Variants in XPO5 observed in about 807,000 individuals in gnomAD.
XPO5 encodes the protein exportin 5.
A neutral mutation model predicts 160.6 loss-of-function variants in XPO5; 46 were observed. The observed-to-expected ratio is 0.29, with a 90% CI of 0.23 to 0.37. The LOEUF (loss-of-function observed/expected upper bound fraction) is 0.37. Among genes scored for constraint, XPO5 ranks in the 10% least tolerant of loss-of-function variants. The probability of loss-of-function intolerance (pLI) is 1.00; values close to 1 mark genes in which losing one functional copy is unlikely to be tolerated. For synonymous variants in XPO5, 537 were observed against 519.3 expected (o/e 1.03, Z -0.46); for missense variants, 1,090 against 1,463.9 (o/e 0.74, Z 4.17).
chr6:43,537,936 C>T (rs1096642), intron 20 of XPO5, among the ~76,000 whole-genome samples: 5 of 150,632 alleles, frequency 3.3e-5, no homozygotes, highest in South Asian at 4.4e-4. Flanking sequence ...GGCGTGGTGG[C>T]GCACACCTGT....
At chr6:43,548,156 C>A in intron 18 of XPO5, 105 bp downstream of exon 18, 1 of 1,093,298 alleles carries the variant, frequency 9.1e-7, no homozygotes, top group South Asian at 1.9e-5. Context: ...TGGATAATGC[C>A]ATCACACTTC....
chr6:43,572,658 T>C (rs1462433510), intron 2 of XPO5, 80 bp from the exon 3 acceptor site: 1 of 1,373,940 alleles, frequency 7.3e-7, no homozygotes, highest in African/African-American at 1.4e-5. Flanking sequence ...GATTTCTACA[T>C]TTGATTACAC....
intron 18 of XPO5, 33 bp from the exon 19 acceptor site, chr6:43,547,740 C>A: frequency 6.3e-7 from 1 of 1,593,242 alleles, no homozygotes; most frequent in South Asian, 1.1e-5. Context: ...CAAGTTACAT[C>A]ATGACTTTAA....
At chr6:43,530,556 T>A (rs183385625) in intron 23 of XPO5, 132 bp downstream of exon 23, 1 of 1,081,306 alleles carries the variant, frequency 9.2e-7, no homozygotes, top group East Asian at 2.7e-5. Context: ...TTTAATGACA[T>A]GATACACTTA....
intron 6 of XPO5, 42 bp from the exon 7 acceptor site, chr6:43,567,396 A>T (rs1412110267): frequency 6.5e-7 from 1 of 1,544,216 alleles, no homozygotes; most frequent in Non-Finnish European, 8.7e-7. Flanking sequence ...AGTCCTCGGT[A>T]ACAGGTAAGG....
intron 20 of XPO5, among the ~76,000 whole-genome samples, chr6:43,537,964 A>G (rs1794444751): frequency 6.7e-6 from 1 of 150,192 alleles, no homozygotes; most frequent in South Asian, 2.2e-4. Context: ...GCTACTCGAG[A>G]GGCTGAGGCA....
Position 43,530,746 on chromosome 6 carries a change from G to A in XPO5, c.2619C>T (p.Leu873=), listed in dbSNP as rs193195408. The change falls in exon 23 of 32, where the codon CTC becomes CTT. Residue 873 remains leucine, a synonymous_variant. Transcript: ENST00000265351. Reference sequence around the variant, plus strand: ...TGTTCAAGTTGACAAAGGCTGAGCTGAGAAGCTGGGTAGCAAGGTCCTCCA... The same window carrying A: ...TGTTCAAGTTGACAAAGGCTGAGCTAAGAAGCTGGGTAGCAAGGTCCTCCA... ...YTVEDLATQL[L]SSAFVNLNNI... is the part of the protein sequence containing the mutation. 4 of 1,613,994 alleles carry A rather than the reference G, an allele frequency of 2.5e-6. No individual in the cohort carries two copies. The East Asian group carries it at 6.7e-5, about 27-fold the overall frequency.
intron 6 of XPO5, among the ~76,000 whole-genome samples, chr6:43,568,359 A>T (rs1246788196): frequency 6.6e-6 from 1 of 152,016 alleles, no homozygotes; most frequent in African/African-American, 2.4e-5. Context: ...GCAGTGGCCC[A>T]CAGTCACTTC....
chr6:43,524,861 G>T lies in XPO5; in HGVS notation c.3282C>A (p.Val1094=). 6.2e-7 allele frequency: 1 copy of T among 1,613,846 alleles called. No homozygotes were observed. Among genetic ancestry groups the T allele is most frequent in the Non-Finnish European group, 8.5e-7 (1 of 1,179,890 alleles). The change falls in exon 30 of 32, where the codon GTC becomes GTA. Residue 1094 remains valine, a synonymous_variant. Transcript: ENST00000265351. ...CCTCGTATATCTGGAAGGCCAGATGGACCAGGGAAGCCATGCACCCGTCGT... is the reference window on the plus strand; with the variant it reads ...CCTCGTATATCTGGAAGGCCAGATGTACCAGGGAAGCCATGCACCCGTCGT... ...GQHDGCMASL[V]HLAFQIYEAL...
chr6:43,567,601 T>C (rs1022724562), intron 6 of XPO5, among the ~76,000 whole-genome samples: 1 of 152,100 alleles, frequency 6.6e-6, no homozygotes, highest in African/African-American at 2.4e-5. Context: ...CTTATCATTT[T>C]ACTTCCCAAG....
rs751953982 is a variant in XPO5 at position 43,558,543 on chromosome 6, A to C, written c.1270T>G (p.Phe424Val). 2 of 1,604,834 alleles carry C rather than the reference A, an allele frequency of 1.2e-6. No homozygotes were observed. The highest frequency in any genetic ancestry group is 2.3e-5 in the South Asian group (2 of 88,650). ...TDSPSCEYSR[F>V]DFDSDEDFNA... ...AAGTCCTCATCGCTATCAAAATCAA[A>C]CCGAGAATATTCACAGCTAGGGCTG... The change falls in exon 12 of 32, where the codon TTT (phenylalanine) becomes GTT (valine). Residue 424 changes from phenylalanine (F) to valine (V), a missense_variant. Physicochemically the swap from Phe to Val is conservative, Grantham distance 50. Transcript: ENST00000265351.
chr6:43,553,594 A>C (rs1214416775), intron 13 of XPO5, 91 bp from the exon 14 acceptor site: 26 of 1,473,342 alleles, frequency 1.8e-5, no homozygotes, highest in Non-Finnish European at 2.3e-5. Flanking sequence ...GAGACAATGG[A>C]GCCTTAGAGA....
At position 43,561,124 on chromosome 6, in the gene XPO5, CTTTGT is replaced by C. The variant is rs1391954097; in HGVS notation, c.1012-122_1012-118del. ...CTCAAAAAATGTTGTTTCAAAAGGA[CTTTGT>C]ATTTCCTTTTGGCTAAAGAAAGGCA... is the stretch of plus-strand genomic sequence containing the variant. On this transcript the variant is annotated intron_variant, in intron 9 of 31. Transcript: ENST00000265351. The C allele has an allele frequency of 7.4e-5, 61 of 827,784 alleles. No individual in the cohort carries two copies. In the East Asian group the frequency reaches 1.4e-3, roughly 20 times the overall value. The allele number at this position is 827,784 out of a possible 1,614,324, so 51.3% of individuals were successfully genotyped here. A position where few individuals can be genotyped will look rare whatever the true frequency, so the allele number is the denominator to read the frequency against.
At chr6:43,552,174 C>T (rs780323351) in intron 14 of XPO5, among the ~76,000 whole-genome samples, 4 of 152,114 alleles carry the variant, frequency 2.6e-5, no homozygotes, top group Non-Finnish European at 4.4e-5. Flanking sequence ...TCTCCTGCCT[C>T]AGCCTCCTGA....
intron 12 of XPO5, among the ~76,000 whole-genome samples, chr6:43,556,302 C>T (rs368974752): frequency 1.3e-5 from 2 of 152,070 alleles, no homozygotes; most frequent in Non-Finnish European, 2.9e-5. Flanking sequence ...GGTGGGCAGA[C>T]TGCTTGTGCC....
intron 19 of XPO5, 127 bp downstream of exon 19, chr6:43,547,481 A>G: frequency 1.3e-6 from 1 of 789,398 alleles, no homozygotes; most frequent in Non-Finnish European, 2.2e-6. Context: ...GGAGAAGCTT[A>G]GGGAAGTGGA....
chr6:43,549,924 G>A lies in XPO5; in HGVS notation c.1739C>T (p.Ser580Phe). The A allele has an allele frequency of 6.2e-7, 1 of 1,612,310 alleles. No homozygotes were observed. Among genetic ancestry groups the A allele is most frequent in the Non-Finnish European group, 8.5e-7 (1 of 1,179,090 alleles). ...TTCTTCAACAGTTTCAAAAGTGACA[G>A]ATGAAAATAGCTAAGGGAGAGGAGG... ...LPQVFSKLFSSVTFETVEESK... is the reference protein window; with the variant it reads ...LPQVFSKLFSFVTFETVEESK... The change falls in exon 16 of 32, where the codon TCT becomes TTT. Residue 580 changes from serine to phenylalanine, a missense_variant. Around this residue, in one of 3 missense-constraint regions of XPO5, gnomAD observed 810 missense variants for 1,139.0 expected, o/e 0.71. Coordinates refer to ENST00000265351, the MANE Select transcript of XPO5 (RefSeq NM_020750.3).
In XPO5 at chr6:43,523,838, A is replaced by G; in HGVS notation, c.*30T>C. On this transcript the variant is annotated 3_prime_UTR_variant, in exon 32 of 32. Coordinates refer to ENST00000265351, the MANE Select transcript of XPO5 (RefSeq NM_020750.3). ...AAAGGGAAAGAAGAGATGACAAGAA[A>G]GGCCGAGGAAGGATGCCCAAAAGCT... 1 of 1,613,978 alleles carries G rather than the reference A, an allele frequency of 6.2e-7. No homozygotes were observed. Among genetic ancestry groups the G allele is most frequent in the Non-Finnish European group, 8.5e-7 (1 of 1,179,858 alleles).
chr6:43,542,227 T>C (rs77288819), intron 20 of XPO5, among the ~76,000 whole-genome samples: 5,539 of 152,248 alleles, frequency 0.036, 348 homozygotes, highest in African/African-American at 0.13. Context: ...CTGAAAGTAC[T>C]GTAACACTTG....
Sources: allele counts gnomAD v4.1 joint callset (sites outside exome capture counted in the v4.1 genomes callset), GRCh38; gene constraint gnomAD v4.1.1; regional missense constraint gnomAD v4.1.1; transcripts MANE v1.5; gene names NCBI Gene and HGNC (gene_info 2026-07-23, HGNC 2026-07-21).